The following SLC12A1 variants were observed in gnomAD, a reference collection of about 807,000 sequenced individuals.
SLC12A1 encodes the protein solute carrier family 12 member 1.
SLC12A1 carries 89 observed loss-of-function variants against 130.4 expected under a neutral mutation model. That is an observed-to-expected ratio of 0.68 (90% CI 0.58 to 0.81). The LOEUF is 0.81. Ranked by LOEUF, SLC12A1 falls within the 40% of genes least tolerant of loss-of-function variation. SLC12A1 has a pLI of 0.00. For synonymous variants in SLC12A1, 499 were observed against 460.0 expected, an observed-to-expected ratio of 1.08 and a Z score of -1.09; for missense variants, 1,310 against 1,336.4, an observed-to-expected ratio of 0.98 and a Z score of 0.31.
At chr15:48,227,183 A>G in intron 5 of SLC12A1, 1 of 1,514,510 alleles carries the variant, frequency 6.6e-7, no homozygotes, top group Non-Finnish European at 9.0e-7. Flanking sequence ...AGGTAAGCCA[A>G]TTAATTTACT....
intron 11 of SLC12A1, among the ~76,000 whole-genome samples, chr15:48,245,669 T>C (rs1238167120): frequency 6.6e-6 from 1 of 152,240 alleles, no homozygotes; most frequent in Non-Finnish European, 1.5e-5. Flanking sequence ...CAGTCCACCA[T>C]TGATGGGCAT....
chr15:48,283,109 C>G (rs938718020), intron 20 of SLC12A1, among the ~76,000 whole-genome samples: 4 of 152,144 alleles, frequency 2.6e-5, no homozygotes, highest in Non-Finnish European at 5.9e-5. Flanking sequence ...TCAAAATACT[C>G]AATTTGTTTT....
At chr15:48,263,869 T>A (rs987762889) in intron 17 of SLC12A1, among the ~76,000 whole-genome samples, 9 of 152,078 alleles carry the variant, frequency 5.9e-5, no homozygotes, top group Non-Finnish European at 1.2e-4. Flanking sequence ...ATTTTTGTAT[T>A]TTTTGTAGAG....
At chr15:48,250,994 T>C (rs2041642006) in intron 14 of SLC12A1, among the ~76,000 whole-genome samples, 1 of 152,176 alleles carries the variant, frequency 6.6e-6, no homozygotes, top group South Asian at 2.1e-4. Context: ...ATATTTTCAT[T>C]GCAAAATGCA....
chr15:48,220,857 G>A (rs563755740), intron 3 of SLC12A1, 64 bp from the exon 4 acceptor site: 1 of 1,610,574 alleles, frequency 6.2e-7, no homozygotes, highest in East Asian at 2.2e-5. Flanking sequence ...GCTTTATGAA[G>A]AGCCCCGGGT....
At chr15:48,266,596 A>G (rs2041834395) in intron 17 of SLC12A1, among the ~76,000 whole-genome samples, 1 of 152,156 alleles carries the variant, frequency 6.6e-6, no homozygotes, top group South Asian at 2.1e-4. Flanking sequence ...CCCTGCTTCA[A>G]TACCCACAAG....
chr15:48,301,462 C>A, intron 26 of SLC12A1, 80 bp downstream of exon 26: 3 of 907,436 alleles, frequency 3.3e-6, no homozygotes, highest in Admixed American at 2.9e-5. Flanking sequence ...AAGCTTGGGA[C>A]TCTTCAGGTG....
chr15:48,229,082 C>G, intron 5 of SLC12A1, 107 bp from the exon 6 acceptor site: 1 of 1,225,112 alleles, frequency 8.2e-7, no homozygotes. Flanking sequence ...AGTTGTAATA[C>G]TGTTATTGAA....
rs935432181 is a variant in SLC12A1, at chr15:48,244,078, C to G, written c.1301-675C>G. On this transcript the variant is annotated intron_variant, in intron 10 of 26. Transcript: ENST00000380993. ...AGAAGAAAAAGTTTATGCACAAAGA[C>G]GTTCATCATAGAATGCTATAGTAGA... Among the ~76,000 whole-genome samples the G allele has an allele frequency of 4.6e-5, 7 of 152,056 alleles. No homozygotes were observed. In the South Asian group the frequency reaches 1.2e-3, roughly 27 times the overall value.
At chr15:48,259,156 G>C (rs765394251) in intron 16 of SLC12A1, 44 bp from the exon 17 acceptor site, 8 of 1,270,126 alleles carry the variant, frequency 6.3e-6, no homozygotes, top group African/African-American at 1.5e-5. Flanking sequence ...AAGGTTACAG[G>C]CTTCTTGCAG....
At chr15:48,229,357 C>T in intron 6 of SLC12A1, 29 bp downstream of exon 6, 2 of 1,563,906 alleles carry the variant, frequency 1.3e-6, no homozygotes, top group Non-Finnish European at 1.7e-6. Flanking sequence ...TTTTTTCTGC[C>T]AAGCAGCATA....
At chr15:48,302,434 C>A (rs1597466177) in intron 26 of SLC12A1, among the ~76,000 whole-genome samples, 2 of 151,280 alleles carry the variant, frequency 1.3e-5, no homozygotes, top group East Asian at 3.9e-4. Context: ...TCCTGGCTAA[C>A]AAGGTGAAAC....
chr15:48,264,806 C>T (rs532003399), intron 17 of SLC12A1, among the ~76,000 whole-genome samples: 3 of 152,252 alleles, frequency 2.0e-5, no homozygotes, highest in South Asian at 2.1e-4. Context: ...GGGGTTGGAA[C>T]CCCTTTACAA....
intron 5 of SLC12A1, chr15:48,227,750 C>G (rs867385846): frequency 1.6e-4 from 24 of 153,060 alleles, no homozygotes; most frequent in African/African-American, 5.5e-4. Flanking sequence ...CCTTTGTTCC[C>G]CCTCCCCTTC....
chr15:48,221,143 GT>G, intron 4 of SLC12A1, 147 bp downstream of exon 4: 1 of 817,842 alleles, frequency 1.2e-6, no homozygotes, highest in East Asian at 2.6e-5. Context: ...CTTTGACGAT[GT>G]TTGTCAGAAA....
chr15:48,208,087 G>C lies in SLC12A1; in HGVS notation c.368G>C (p.Gly123Ala), dbSNP rs1261996804. ...EYYRNTGSISGPKVNRPSLLE... is the reference protein window; with the variant it reads ...EYYRNTGSISAPKVNRPSLLE... ...TATCGTAACACCGGCAGCATCAGTG[G>C]GCCCAAGGTCAACCGACCCAGCCTG... Residue 123 changes from glycine to alanine, a missense_variant, in exon 2 of 27, where the codon GGG becomes GCG. Gly to Ala is a moderately conservative substitution (Grantham distance 60). Transcript: ENST00000380993. 2 of 1,611,140 alleles carry C rather than the reference G, an allele frequency of 1.2e-6. No individual in the cohort carries two copies. The highest frequency in any genetic ancestry group is 3.3e-5 in the Admixed American group (2 of 59,880).
At chr15:48,254,612 A>G (rs2041683138) in intron 15 of SLC12A1, among the ~76,000 whole-genome samples, 2 of 144,678 alleles carry the variant, frequency 1.4e-5, no homozygotes, top group Non-Finnish European at 3.1e-5. Flanking sequence ...AAAAAAAAAA[A>G]AAAAAAAAAA....
At chr15:48,247,748 T>A (rs2041599792) in intron 13 of SLC12A1, among the ~76,000 whole-genome samples, 3 of 152,168 alleles carry the variant, frequency 2.0e-5, no homozygotes, top group African/African-American at 7.2e-5. Context: ...AAATCTACAG[T>A]CTCCCCCAGC....
At chr15:48,297,944 G>C (rs1566861097) in intron 24 of SLC12A1, among the ~76,000 whole-genome samples, 5 of 152,134 alleles carry the variant, frequency 3.3e-5, no homozygotes, top group Admixed American at 3.3e-4. Flanking sequence ...AAGAATAATA[G>C]GGCCTATCAG....
Sources: gnomAD v4.1 joint callset for allele counts (sites outside exome capture counted in the v4.1 genomes callset) on GRCh38, gnomAD v4.1.1 for gene constraint, MANE v1.5 for transcripts, NCBI Gene and HGNC (gene_info 2026-07-23, HGNC 2026-07-21) for gene names.